ZZEF1: variants seen among roughly 807,000 people sequenced by gnomAD.
ZZEF1 encodes the protein zinc finger ZZ-type and EF-hand domain containing 1, also known as zinc finger ZZ-type and EF-hand domain-containing protein 1.
A neutral mutation model predicts 342.8 loss-of-function variants in ZZEF1; 157 were observed. The ratio of observed to expected loss-of-function variants is 0.46; its 90% confidence interval spans 0.40 to 0.52. ZZEF1 has a LOEUF of 0.52. ZZEF1 is among the 20% of genes least tolerant of loss of function. The pLI, the probability that ZZEF1 is intolerant of heterozygous loss-of-function variation, is 0.00. For synonymous variants in ZZEF1, 1,505 were observed against 1,429.1 expected, an observed-to-expected ratio of 1.05 and a Z score of -1.20; for missense variants, 3,480 against 3,725.6, an observed-to-expected ratio of 0.93 and a Z score of 1.72.
chr17:4,077,065 A>G, intron 19 of ZZEF1, 76 bp from the exon 20 acceptor site: 1 of 1,376,926 alleles, frequency 7.3e-7, no homozygotes, highest in Non-Finnish European at 9.5e-7. Flanking sequence ...ACAGACAAGA[A>G]TAAAGAGACT....
chr17:4,067,266 G>A, intron 26 of ZZEF1, 24 bp from the exon 27 acceptor site: 1 of 1,594,912 alleles, frequency 6.3e-7, no homozygotes, highest in Non-Finnish European at 8.6e-7. Context: ...CAGAGATGGA[G>A]ATTACATTCA....
chr17:4,085,629 C>T lies in ZZEF1; in HGVS notation c.2646+41G>A, dbSNP rs377639116. The T allele has an allele frequency of 1.0e-4, 168 of 1,609,640 alleles. No homozygotes were observed. In the African/African-American group the frequency reaches 2.0e-3, roughly 19 times the overall value. On this transcript the variant is annotated intron_variant, in intron 16 of 54. Transcript: ENST00000381638. Reference sequence around the variant, plus strand: ...CAAAGCCTAGCAAATTTCATCCTCACAGACTTCAGACATTGAATCCAGACT... The same window carrying T: ...CAAAGCCTAGCAAATTTCATCCTCATAGACTTCAGACATTGAATCCAGACT...
chr17:4,006,746 G>T lies in ZZEF1; in HGVS notation c.*144C>A. On this transcript the variant is annotated 3_prime_UTR_variant, in exon 55 of 55. Transcript: ENST00000381638. ...CCTACGCACGGGAGCTCTTGGAGACGTGGCTGCTTGGCATCCTAACTGGAG... is the reference window on the plus strand; with the variant it reads ...CCTACGCACGGGAGCTCTTGGAGACTTGGCTGCTTGGCATCCTAACTGGAG... The T allele has an allele frequency of 1.2e-6, 1 of 823,364 alleles. No individual in the cohort carries two copies. The highest frequency in any genetic ancestry group is 2.0e-6 in the Non-Finnish European group (1 of 491,790). The allele number at this position is 823,364 out of a possible 1,614,324, so 51.0% of individuals were successfully genotyped here. A position where few individuals can be genotyped will look rare whatever the true frequency, so the allele number is the denominator to read the frequency against.
In ZZEF1 at chr17:4,108,738, A is replaced by C. The variant is rs914951473; in HGVS notation, c.1277+915T>G. On this transcript the variant is annotated intron_variant, in intron 6 of 54. Coordinates refer to ENST00000381638, the MANE Select transcript of ZZEF1 (RefSeq NM_015113.4). Reference sequence around the variant, plus strand: ...GAGGAAGAAATAAAAATTATTTGTTAAATGTAAACTTGCAGTGCTTCTCTA... The same window carrying C: ...GAGGAAGAAATAAAAATTATTTGTTCAATGTAAACTTGCAGTGCTTCTCTA... 2.0e-5 allele frequency among the ~76,000 whole-genome samples: 3 copies of C among 152,266 alleles called. No homozygotes were observed. In the South Asian group the frequency reaches 6.2e-4, roughly 31 times the overall value.
intron 43 of ZZEF1, 142 bp from the exon 44 acceptor site, chr17:4,022,970 C>T: frequency 3.4e-6 from 4 of 1,159,742 alleles, no homozygotes; most frequent in Non-Finnish European, 4.8e-6. Context: ...TTTTATGTCA[C>T]ACTCCCCTGC....
intron 16 of ZZEF1, among the ~76,000 whole-genome samples, chr17:4,083,577 C>A (rs1046171663): frequency 7.2e-5 from 11 of 151,956 alleles, no homozygotes; most frequent in African/African-American, 2.4e-4. Flanking sequence ...GGCAGGTGTC[C>A]CCAATTAGAC....
chr17:4,090,766 C>G lies in ZZEF1; in HGVS notation c.1978G>C (p.Glu660Gln). 1 of 1,614,178 alleles carries G rather than the reference C, an allele frequency of 6.2e-7. No homozygotes were observed. Among genetic ancestry groups the G allele is most frequent in the South Asian group, 1.1e-5 (1 of 91,092 alleles). Reference protein sequence around the residue: ...DPIGWFELEEEWDEADVKLQQ... With the variant: ...DPIGWFELEEQWDEADVKLQQ... ...AGCTTCACATCTGCTTCATCCCATT[C>G]TTCTTCCAGTTCAAACCAGCCAATA... is the stretch of plus-strand genomic sequence containing the variant. The change falls in exon 12 of 55, where the codon GAA becomes CAA. Residue 660 changes from glutamate to glutamine, a missense_variant. Glu to Gln is a conservative substitution (Grantham distance 29). Transcript: ENST00000381638.
At chr17:4,050,230 T>C (rs970565160) in intron 36 of ZZEF1, among the ~76,000 whole-genome samples, 3 of 152,226 alleles carry the variant, frequency 2.0e-5, no homozygotes, top group Non-Finnish European at 4.4e-5. Flanking sequence ...GTGCTGGCGT[T>C]ACCCATGTGC....
chr17:4,009,042 G>C, intron 53 of ZZEF1, 88 bp from the exon 54 acceptor site: 1 of 1,458,700 alleles, frequency 6.9e-7, no homozygotes, highest in Non-Finnish European at 9.2e-7. Flanking sequence ...GCTTGCGAAA[G>C]CAGAAGCCTC....
rs1195799031 is a variant in ZZEF1, at chr17:4,052,156, T to C, written c.5435-20A>G. 1.3e-6 allele frequency: 2 copies of C among 1,597,046 alleles called. No individual in the cohort carries two copies. The highest frequency in any genetic ancestry group is 1.7e-5 in the Admixed American group (1 of 57,214). On this transcript the variant is annotated intron_variant, in intron 34 of 54. Coordinates refer to ENST00000381638, the MANE Select transcript of ZZEF1 (RefSeq NM_015113.4). ...CCCCACCTGAGGAGAAACACAGCAG[T>C]GTGAGGGGATGAGGTAGAGGGCTCC...
intron 21 of ZZEF1, chr17:4,076,298 A>AT (rs1252847621): frequency 4.5e-5 from 7 of 155,172 alleles, no homozygotes; most frequent in South Asian, 1.9e-4. Context: ...CGCCCGGCTA[A>AT]TTTTTTTTGT....
At chr17:4,094,338 T>C (rs369447665) in intron 11 of ZZEF1, among the ~76,000 whole-genome samples, 29 of 152,000 alleles carry the variant, frequency 1.9e-4, no homozygotes, top group African/African-American at 6.8e-4. Flanking sequence ...TTTTTAGAGA[T>C]GGGGGTCTCA....
chr17:4,141,787 G>C (rs903841545), intron 1 of ZZEF1, among the ~76,000 whole-genome samples: 2 of 151,522 alleles, frequency 1.3e-5, no homozygotes, highest in African/African-American at 2.4e-5. Context: ...GGTAACCCTG[G>C]ATCAGTCTTC....
At chr17:4,112,542 C>T in intron 5 of ZZEF1, 67 bp downstream of exon 5, 1 of 1,511,690 alleles carries the variant, frequency 6.6e-7, no homozygotes, top group Non-Finnish European at 9.1e-7. Context: ...CTAACAGCCT[C>T]TTCACTTCAA....
At chr17:4,087,828 C>CACACA (rs2057866775) in intron 13 of ZZEF1, among the ~76,000 whole-genome samples, 1 of 101,316 alleles carries the variant, frequency 9.9e-6, no homozygotes, top group African/African-American at 4.3e-5. Flanking sequence ...ACACACACAT[C>CACACA]CATGAACGCT....
intron 51 of ZZEF1, 132 bp downstream of exon 51, chr17:4,013,958 A>G (rs897546515): frequency 1.2e-6 from 1 of 858,926 alleles, no homozygotes; most frequent in African/African-American, 1.7e-5. Context: ...GGGGCTTGTG[A>G]GACAAATTTG....
intron 30 of ZZEF1, among the ~76,000 whole-genome samples, chr17:4,059,585 G>GTATTTTTCACAAATGA: frequency 6.6e-6 from 1 of 152,194 alleles, no homozygotes; most frequent in South Asian, 2.1e-4. Context: ...ACTGTGTTAA[G>GTATTTTTCACAAATGA]TATTTTTCAC....
intron 1 of ZZEF1, among the ~76,000 whole-genome samples, chr17:4,132,366 T>G (rs1489052559): frequency 2.6e-5 from 4 of 151,948 alleles, no homozygotes; most frequent in African/African-American, 9.7e-5. Flanking sequence ...GTATTTTTCC[T>G]AGAGCTGGGG....
At chr17:4,007,988 T>C (rs1160391679) in intron 54 of ZZEF1, among the ~76,000 whole-genome samples, 1 of 151,886 alleles carries the variant, frequency 6.6e-6, no homozygotes, top group East Asian at 2.0e-4. Flanking sequence ...ACACACGCGA[T>C]GATATTCAAG....
Sources: gnomAD v4.1 joint callset for allele counts (sites outside exome capture counted in the v4.1 genomes callset) on GRCh38, gnomAD v4.1.1 for gene constraint, MANE v1.5 for transcripts, NCBI Gene and HGNC (gene_info 2026-07-23, HGNC 2026-07-21) for gene names.